MYH2: variants seen among roughly 807,000 people sequenced by gnomAD.
MYH2 encodes myosin-2.
Under a neutral mutation model 228.1 loss-of-function variants are expected in MYH2, and 139 were observed. The observed-to-expected ratio is 0.61, with a 90% CI of 0.53 to 0.70. The LOEUF (loss-of-function observed/expected upper bound fraction) is 0.70, where lower values mean the gene tolerates loss of function less well. MYH2 is among the 30% of genes least tolerant of loss of function. The pLI is 0.00. For missense variants in MYH2, 1,809 were observed against 2,357.5 expected (o/e 0.77, Z 4.82); for synonymous variants, 796 against 871.1 (o/e 0.91, Z 1.52).
chr17:10,531,160 T>C (rs2073419927), intron 22 of MYH2, among the ~76,000 whole-genome samples: 1 of 152,186 alleles, frequency 6.6e-6, no homozygotes, highest in Admixed American at 6.5e-5. Context: ...TCTGAGTTTT[T>C]GAGATCAATA....
chr17:10,537,250 G>A lies in MYH2; in HGVS notation c.1880C>T (p.Ala627Val). 1 of 1,614,216 alleles carries A rather than the reference G, an allele frequency of 6.2e-7. No homozygotes were observed. The highest frequency in any genetic ancestry group is 1.1e-5 in the South Asian group (1 of 91,086). The change falls in exon 16 of 40, where the codon GCT becomes GTT. Residue 627 changes from alanine (A) to valine (V), a missense_variant. By Grantham distance (64) the Ala-to-Val change is moderately conservative. Around this residue, in one of 9 missense-constraint regions of MYH2, gnomAD observed 276 missense variants for 344.2 expected, o/e 0.80. Transcript: ENST00000245503. The surrounding 1 kb of genome is among the most constrained non-coding windows in gnomAD (Gnocchi z 4.0). ...AGCATTACCTCCTTCAGCAGTTTGA[G>A]CCCCAGAGAAGAGCTGAGCTAGAGT... ...MKTLAQLFSGAQTAEGEGAGG... is the reference protein window; with the variant it reads ...MKTLAQLFSGVQTAEGEGAGG...
At position 10,524,018 on chromosome 17, in the gene MYH2, G is replaced by A; in HGVS notation, c.5176-134C>T. 1.2e-6 allele frequency: 1 copy of A among 824,990 alleles called. No homozygotes were observed. Among genetic ancestry groups the A allele is most frequent in the South Asian group, 1.9e-5 (1 of 53,988 alleles). The allele number at this position is 824,990 out of a possible 1,614,324, so 51.1% of individuals were successfully genotyped here. A position where few individuals can be genotyped will look rare whatever the true frequency, so the allele number is the denominator to read the frequency against. On this transcript the variant is annotated intron_variant, in intron 35 of 39. Coordinates refer to ENST00000245503, the MANE Select transcript of MYH2 (RefSeq NM_017534.6). The surrounding 1 kb of genome is among the most constrained non-coding windows in gnomAD (Gnocchi z 4.7). Reference sequence around the variant, plus strand: ...TTTAATATTAAAGAATTAAAGGATTGTGTTATGTAATATGATTAAATAAAA... The same window carrying A: ...TTTAATATTAAAGAATTAAAGGATTATGTTATGTAATATGATTAAATAAAA...
rs1315115248 is a variant in MYH2, at chr17:10,544,134, A to G, written c.506-7T>C. On this transcript the variant is annotated splice_region_variant and splice_polypyrimidine_tract_variant and intron_variant, in intron 5 of 39. Coordinates refer to ENST00000245503, the MANE Select transcript of MYH2 (RefSeq NM_017534.6). The stretch of plus-strand genomic sequence containing the variant: ...ATTGACTGATTCTCTCGGTCTACAA[A>G]AGAAATTATAGACATTTAATACTGT... The G allele has an allele frequency of 6.2e-7, 1 of 1,612,412 alleles. No individual in the cohort carries two copies. The highest frequency in any genetic ancestry group is 8.5e-7 in the Non-Finnish European group (1 of 1,178,564).
chr17:10,540,458 C>A, intron 11 of MYH2, 136 bp downstream of exon 11: 1 of 776,640 alleles, frequency 1.3e-6, no homozygotes, highest in Non-Finnish European at 2.2e-6. Context: ...ATACTCTTTT[C>A]ATTTGACTCC....
chr17:10,532,581 T>C (rs2073437872), intron 21 of MYH2, among the ~76,000 whole-genome samples: 2 of 152,324 alleles, frequency 1.3e-5, no homozygotes, highest in South Asian at 4.1e-4. Context: ...TTAGCATAAT[T>C]ACAAGTGGTA....
chr17:10,529,106 A>T, intron 26 of MYH2, 27 bp from the exon 27 acceptor site: 1 of 1,614,162 alleles, frequency 6.2e-7, no homozygotes, highest in Non-Finnish European at 8.5e-7. Context: ...ATACAAACTC[A>T]GCTTCTTTGT....
At chr17:10,521,455 A>G in intron 39 of MYH2, 23 bp from the exon 40 acceptor site, 1 of 1,612,898 alleles carries the variant, frequency 6.2e-7, no homozygotes, top group African/African-American at 1.3e-5. Context: ...ATGGAATTGT[A>G]AGGAACTCAT....
intron 23 of MYH2, 37 bp downstream of exon 23, chr17:10,529,795 A>G (rs1001441165): frequency 5.0e-6 from 8 of 1,613,994 alleles, no homozygotes; most frequent in African/African-American, 1.3e-5. Flanking sequence ...GTTGGGTGGC[A>G]GAACCTCTAT....
At position 10,540,083 on chromosome 17, in the gene MYH2, T is replaced by C; in HGVS notation, c.1009-17A>G. On this transcript the variant is annotated splice_polypyrimidine_tract_variant and intron_variant, in intron 11 of 39. Coordinates refer to ENST00000245503, the MANE Select transcript of MYH2 (RefSeq NM_017534.6). ...AATAGCACTCTGTCAATATAACCAA[T>C]AGGATAGCTGTTAGGTTGTGATCCA... is the stretch of plus-strand genomic sequence containing the variant. 6.2e-7 allele frequency: 1 copy of C among 1,613,768 alleles called. No individual in the cohort carries two copies. Among genetic ancestry groups the C allele is most frequent in the Non-Finnish European group, 8.5e-7 (1 of 1,179,860 alleles).
rs1489870658 is a variant in MYH2 at position 10,524,346 on chromosome 17, T to C, written c.5175+120A>G. ...TCAGTAATGCAGAATTACTATTCTG[T>C]ATTATTTGAAAAGAAAATTTGATAG... On this transcript the variant is annotated intron_variant, in intron 35 of 39. Transcript: ENST00000245503. The surrounding 1 kb of genome is among the most constrained non-coding windows in gnomAD (Gnocchi z 4.7). The C allele has an allele frequency of 1.6e-6, 2 of 1,290,264 alleles. No homozygotes were observed. Among genetic ancestry groups the C allele is most frequent in the East Asian group, 4.7e-5 (2 of 42,410 alleles). The allele number at this position is 1,290,264 out of a possible 1,614,324, so 79.9% of individuals were successfully genotyped here.
Position 10,549,432 on chromosome 17 carries a change from G to A in MYH2, c.-63-15C>T, listed in dbSNP as rs1178876174. On this transcript the variant is annotated splice_polypyrimidine_tract_variant and intron_variant, in intron 1 of 39. Coordinates refer to ENST00000245503, the MANE Select transcript of MYH2 (RefSeq NM_017534.6). Reference sequence around the variant, plus strand: ...GTGAGACAGTTCTATAAAAGAAAAGGGAAAAGCACTTGATTAGTTGACCAA... The same window carrying A: ...GTGAGACAGTTCTATAAAAGAAAAGAGAAAAGCACTTGATTAGTTGACCAA... The A allele has an allele frequency of 6.5e-6, 1 of 152,672 alleles. No homozygotes were observed. Among genetic ancestry groups the A allele is most frequent in the Non-Finnish European group, 1.5e-5 (1 of 68,078 alleles). The allele number at this position is 152,672 out of a possible 1,614,324, so 9.5% of individuals were successfully genotyped here. A position where few individuals can be genotyped will look rare whatever the true frequency, so the allele number is the denominator to read the frequency against.
chr17:10,539,691 T>A, intron 12 of MYH2, 129 bp from the exon 13 acceptor site: 1 of 1,204,266 alleles, frequency 8.3e-7, no homozygotes, highest in East Asian at 2.5e-5. Flanking sequence ...CCTTACCCAT[T>A]TGTTCATTAA....
rs1335479073 is a variant in MYH2 at position 10,525,342 on chromosome 17, A to G, written c.4544T>C (p.Ile1515Thr). ...TGCAATCTGTTCCGTGAGGTCAGAA[A>G]TCTCCTCTGTTGTTTGAGTAAAAGA... ...KRENKNLQQEISDLTEQIAEG... is the reference protein window; with the variant it reads ...KRENKNLQQETSDLTEQIAEG... Residue 1515 changes from isoleucine to threonine, a missense_variant, in exon 33 of 40, where the codon ATT becomes ACT. Ile to Thr is a moderately conservative substitution (Grantham distance 89). This residue lies in a region of MYH2 where 636 missense variants were observed against 729.9 expected (regional missense o/e 0.87). Transcript: ENST00000245503. The surrounding 1 kb of genome is among the most constrained non-coding windows in gnomAD (Gnocchi z 4.2). 10 of 1,614,034 alleles carry G rather than the reference A, an allele frequency of 6.2e-6. No homozygotes were observed.
rs1597447871 is a variant in MYH2, at chr17:10,524,717, C to T, written c.4971+40G>A. On this transcript the variant is annotated intron_variant, in intron 34 of 39. Coordinates refer to ENST00000245503, the MANE Select transcript of MYH2 (RefSeq NM_017534.6). This position sits in a 1 kb window ranked among gnomAD's most constrained non-coding sequence, Gnocchi z 4.7. The stretch of plus-strand genomic sequence containing the variant: ...GACATCATGTTCTCAGGGTTGCAGG[C>T]ACCCCAATAGTCCTGGGACCATCTC... The T allele has an allele frequency of 6.2e-7, 1 of 1,614,216 alleles. No individual in the cohort carries two copies. The highest frequency in any genetic ancestry group is 1.6e-4 in the Middle Eastern group (1 of 6,062).
chr17:10,540,537 G>T (rs2073538750), intron 11 of MYH2, 57 bp downstream of exon 11: 1 of 1,387,262 alleles, frequency 7.2e-7, no homozygotes, highest in Non-Finnish European at 1.0e-6. Context: ...ATATTTATCT[G>T]GATCACCATT....
rs544554044 is a variant in MYH2 at position 10,548,183 on chromosome 17, A to G, written c.-20-243T>C. ...TGTCTTATTTCATCCTCCAGGACTC[A>G]CATTCTCATTGGGAACTGAATTACA... On this transcript the variant is annotated intron_variant, in intron 2 of 39. Coordinates refer to ENST00000245503, the MANE Select transcript of MYH2 (RefSeq NM_017534.6). 7.9e-5 allele frequency among the ~76,000 whole-genome samples: 12 copies of G among 152,282 alleles called. 1 individual carries two copies. Among genetic ancestry groups the G allele is most frequent in the African/African-American group, 2.6e-4 (11 of 41,560 alleles).
At position 10,543,090 on chromosome 17, in the gene MYH2, A is replaced by T. The variant is rs201549295; in HGVS notation, c.805+8T>A. 1.8e-4 allele frequency: 293 copies of T among 1,609,914 alleles called. 1 individual carries two copies. The African/African-American group carries it at 3.3e-3, about 18-fold the overall frequency. ...CAGAAATGATTTTAAAGATATCTGA[A>T]CACTTACATGTTTCAATATCAGCAG... On this transcript the variant is annotated splice_region_variant and intron_variant, in intron 9 of 39. Coordinates refer to ENST00000245503, the MANE Select transcript of MYH2 (RefSeq NM_017534.6).
chr17:10,526,632 G>A lies in MYH2; in HGVS notation c.4154C>T (p.Ala1385Val), dbSNP rs1406857706. Residue 1385 changes from alanine (A) to valine (V), a missense_variant, in exon 30 of 40, where the codon GCC becomes GTC. This residue lies in a region of MYH2 where 636 missense variants were observed against 729.9 expected (regional missense o/e 0.87). Transcript: ENST00000245503. ...AQWRTKYETDAIQRTEELEEA... is the reference protein window; with the variant it reads ...AQWRTKYETDVIQRTEELEEA... ...CTCCAGCTCCTCTGTGCGCTGGATG[G>A]CGTCCGTCTCGTATTTGGTCCTCCA... 2 of 1,613,856 alleles carry A rather than the reference G, an allele frequency of 1.2e-6. No homozygotes were observed. Among genetic ancestry groups the A allele is most frequent in the Non-Finnish European group, 1.7e-6 (2 of 1,179,882 alleles).
chr17:10,540,372 A>T (rs1323746826), intron 11 of MYH2, among the ~76,000 whole-genome samples: 3 of 150,856 alleles, frequency 2.0e-5, no homozygotes, highest in Admixed American at 1.3e-4. Flanking sequence ...AAAAAAAAAA[A>T]TAGTTTAGAA....
Sources: gnomAD v4.1 joint callset for allele counts (sites outside exome capture counted in the v4.1 genomes callset) on GRCh38, gnomAD v4.1.1 for gene constraint, gnomAD v4.1.1 regional missense constraint, Gnocchi (gnomAD v3.1) non-coding constraint, MANE v1.5 for transcripts, NCBI Gene and HGNC (gene_info 2026-07-23, HGNC 2026-07-21) for gene names.